Variants in EHBP1 observed in about 807,000 individuals in gnomAD.
EHBP1 encodes the protein EH domain binding protein 1.
Under a neutral mutation model 144.0 loss-of-function variants are expected in EHBP1, and 55 were observed. That is an observed-to-expected ratio of 0.38 (90% CI 0.31 to 0.48). The LOEUF is 0.48. Ranked by LOEUF, EHBP1 falls within the 20% of genes least tolerant of loss-of-function variation. The pLI, the probability that EHBP1 is intolerant of heterozygous loss-of-function variation, is 0.98. For synonymous variants in EHBP1, 469 were observed against 472.7 expected, an observed-to-expected ratio of 0.99 and a Z score of 0.10; for missense variants, 1,200 against 1,364.2, an observed-to-expected ratio of 0.88 and a Z score of 1.90.
At chr2:62,978,210 T>C (rs2058802907) in intron 14 of EHBP1, among the ~76,000 whole-genome samples, 1 of 151,492 alleles carries the variant, frequency 6.6e-6, no homozygotes, top group Non-Finnish European at 1.5e-5. Context: ...CCTTTTTTTT[T>C]TTTTTTTGTG....
chr2:62,724,956 T>C (rs2036605849), intron 2 of EHBP1, among the ~76,000 whole-genome samples: 1 of 152,222 alleles, frequency 6.6e-6, no homozygotes, highest in South Asian at 2.1e-4. Context: ...TGAAATTGGT[T>C]CCTGGTGCCA....
intron 10 of EHBP1, among the ~76,000 whole-genome samples, chr2:62,914,250 T>C (rs142875244): frequency 1.2e-3 from 176 of 152,230 alleles, no homozygotes; most frequent in Non-Finnish European, 1.6e-3. Flanking sequence ...TCATCCTCAT[T>C]CACTTGAAAA....
At chr2:62,848,881 G>C (rs1413927062) in intron 7 of EHBP1, among the ~76,000 whole-genome samples, 2 of 152,160 alleles carry the variant, frequency 1.3e-5, no homozygotes, top group Non-Finnish European at 2.9e-5. Context: ...TACAGTCTAA[G>C]ATTTGTGCCT....
chr2:63,020,482 A>G (rs1208964586), intron 19 of EHBP1, among the ~76,000 whole-genome samples: 1 of 151,156 alleles, frequency 6.6e-6, no homozygotes, highest in Non-Finnish European at 1.5e-5. Flanking sequence ...AAGCCTGCAC[A>G]ACAGAATGAG....
At chr2:62,725,866 G>A (rs898379891) in intron 2 of EHBP1, among the ~76,000 whole-genome samples, 2 of 152,120 alleles carry the variant, frequency 1.3e-5, no homozygotes, top group African/African-American at 2.4e-5. Context: ...AGGCTGGTGC[G>A]TGGCTATGAG....
Position 62,925,650 on chromosome 2 carries a change from A to G in EHBP1, c.1186-17068A>G, listed in dbSNP as rs2055444562. Among the ~76,000 whole-genome samples the G allele has an allele frequency of 2.0e-5, 3 of 152,296 alleles. No homozygotes were observed. The South Asian group carries it at 6.2e-4, about 32-fold the overall frequency. On this transcript the variant is annotated intron_variant, in intron 10 of 22. Transcript: ENST00000431489. The stretch of plus-strand genomic sequence containing the variant: ...GAACAATAAAACTAGCTGAAAAAGA[A>G]ATCAAGACAGCAATCCCATTTACAA...
chr2:62,810,441 C>T (rs548827045), intron 5 of EHBP1, among the ~76,000 whole-genome samples: 1 of 152,254 alleles, frequency 6.6e-6, no homozygotes, highest in East Asian at 1.9e-4. Context: ...AGAGATTTAG[C>T]AGTTAGAGCC....
intron 7 of EHBP1, chr2:62,858,419 G>T: frequency 6.2e-7 from 1 of 1,601,032 alleles, no homozygotes; most frequent in African/African-American, 1.3e-5. Flanking sequence ...TTGTAAACCA[G>T]TTGAATGCTC....
chr2:62,698,426 G>A (rs954236563), intron 1 of EHBP1, among the ~76,000 whole-genome samples: 1 of 152,274 alleles, frequency 6.6e-6, no homozygotes, highest in Admixed American at 6.5e-5. Context: ...TCAGTACTAT[G>A]TTCAATATCT....
At chr2:62,985,106 T>C (rs2059130541) in intron 15 of EHBP1, among the ~76,000 whole-genome samples, 1 of 152,138 alleles carries the variant, frequency 6.6e-6, no homozygotes, top group South Asian at 2.1e-4. Flanking sequence ...CTACTCCCAA[T>C]TCTTTCATCC....
At chr2:62,879,878 AAAC>A (rs968495590) in intron 10 of EHBP1, among the ~76,000 whole-genome samples, 14 of 152,262 alleles carry the variant, frequency 9.2e-5, no homozygotes, top group South Asian at 4.1e-4. Flanking sequence ...TCATATGGAA[AAAC>A]AACAACAACA....
At chr2:62,822,179 T>A (rs191771776) in intron 5 of EHBP1, among the ~76,000 whole-genome samples, 53 of 152,282 alleles carry the variant, frequency 3.5e-4, no homozygotes, top group African/African-American at 1.2e-3. Context: ...TCATTTCTTA[T>A]TAGAAAAATT....
intron 10 of EHBP1, among the ~76,000 whole-genome samples, chr2:62,934,816 C>G (rs1389184612): frequency 6.6e-6 from 1 of 152,114 alleles, no homozygotes; most frequent in Non-Finnish European, 1.5e-5. Context: ...AAACTGGGGT[C>G]AGTTTTACAG....
At chr2:62,685,964 A>G (rs2033703952) in intron 1 of EHBP1, among the ~76,000 whole-genome samples, 1 of 152,230 alleles carries the variant, frequency 6.6e-6, no homozygotes, top group Admixed American at 6.5e-5. Context: ...TGATTCTTTA[A>G]CTTTCCAATG....
At chr2:62,870,332 C>A (rs1286297171) in intron 9 of EHBP1, among the ~76,000 whole-genome samples, 2 of 152,076 alleles carry the variant, frequency 1.3e-5, no homozygotes, top group Non-Finnish European at 2.9e-5. Flanking sequence ...GTGTCCAGAA[C>A]CACATCAAAT....
intron 3 of EHBP1, among the ~76,000 whole-genome samples, chr2:62,748,884 T>C (rs1037819288): frequency 2.6e-5 from 4 of 152,164 alleles, no homozygotes; most frequent in Non-Finnish European, 5.9e-5. Flanking sequence ...ATATGTGTAA[T>C]ACACAGATCT....
At chr2:62,912,808 G>A (rs1187962337) in intron 10 of EHBP1, among the ~76,000 whole-genome samples, 2 of 152,090 alleles carry the variant, frequency 1.3e-5, no homozygotes, top group African/African-American at 4.8e-5. Flanking sequence ...CAAAAAACAA[G>A]CTTATATATT....
chr2:62,970,986 A>G (rs1259513594), intron 14 of EHBP1, among the ~76,000 whole-genome samples: 3 of 152,210 alleles, frequency 2.0e-5, no homozygotes, highest in Non-Finnish European at 1.5e-5. Context: ...TTGCATACCA[A>G]TACATTTTTA....
chr2:62,941,829 T>A (rs895462638), intron 10 of EHBP1, among the ~76,000 whole-genome samples: 1 of 152,144 alleles, frequency 6.6e-6, no homozygotes, highest in Non-Finnish European at 1.5e-5. Context: ...TTTAGCAGTT[T>A]TCTTTGTAGT....
Sources: gnomAD v4.1 joint callset for allele counts (sites outside exome capture counted in the v4.1 genomes callset) on GRCh38, gnomAD v4.1.1 for gene constraint, MANE v1.5 for transcripts, NCBI Gene and HGNC (gene_info 2026-07-23, HGNC 2026-07-21) for gene names.